RALYL: variants seen among roughly 807,000 people sequenced by gnomAD.
The protein encoded by RALYL is RALY RNA binding protein like, also known as RNA-binding Raly-like protein.
Under a neutral mutation model 35.1 loss-of-function variants are expected in RALYL, and 29 were observed. That is an observed-to-expected ratio of 0.83 (90% CI 0.61 to 1.13). The LOEUF (loss-of-function observed/expected upper bound fraction) is 1.13. RALYL is among the 50% of genes most tolerant of loss of function. The pLI is 0.00. For missense variants in RALYL, 359 were observed against 360.4 expected, an observed-to-expected ratio of 1.00 and a Z score of 0.03; for synonymous variants, 120 against 127.6, an observed-to-expected ratio of 0.94 and a Z score of 0.40.
At chr8:84,320,217 A>G (rs1351075432) in intron 1 of RALYL, among the ~76,000 whole-genome samples, 1 of 151,950 alleles carries the variant, frequency 6.6e-6, no homozygotes, top group East Asian at 1.9e-4. Context: ...AATAACAACC[A>G]TTGTTCTGTG....
chr8:84,212,640 A>G (rs955360959), intron 1 of RALYL, among the ~76,000 whole-genome samples: 28 of 152,196 alleles, frequency 1.8e-4, no homozygotes, highest in African/African-American at 6.3e-4. Flanking sequence ...TAGGTGAAGT[A>G]CAGGCAGTAT....
chr8:84,532,721 ATCTTT>A (rs1158461596), intron 2 of RALYL, among the ~76,000 whole-genome samples: 1 of 152,078 alleles, frequency 6.6e-6, no homozygotes, highest in African/African-American at 2.4e-5. Context: ...AAAAGGAACA[ATCTTT>A]TATTTACTGC....
chr8:84,605,756 G>T (rs537081059), intron 2 of RALYL, among the ~76,000 whole-genome samples: 1 of 151,936 alleles, frequency 6.6e-6, no homozygotes, highest in Non-Finnish European at 1.5e-5. Flanking sequence ...TGGCCCAACC[G>T]GTATGAACTC....
chr8:84,486,678 T>C (rs1192647015), intron 1 of RALYL, among the ~76,000 whole-genome samples: 4 of 152,038 alleles, frequency 2.6e-5, no homozygotes, highest in Non-Finnish European at 5.9e-5. Context: ...AAAATCCCAC[T>C]TCACAATAAA....
intron 8 of RALYL, among the ~76,000 whole-genome samples, chr8:84,902,746 A>G (rs1290146642): frequency 2.0e-5 from 3 of 152,168 alleles, no homozygotes; most frequent in Non-Finnish European, 4.4e-5. Context: ...CAAATCACTG[A>G]GTCTCTGAGG....
intron 1 of RALYL, among the ~76,000 whole-genome samples, chr8:84,503,418 A>G (rs1302549440): frequency 6.6e-6 from 1 of 151,730 alleles, no homozygotes; most frequent in African/African-American, 2.4e-5. Flanking sequence ...TTGGCTTCCC[A>G]AAGCACTGGG....
chr8:84,756,260 A>G (rs1365196530), intron 2 of RALYL, among the ~76,000 whole-genome samples: 1 of 152,138 alleles, frequency 6.6e-6, no homozygotes, highest in Non-Finnish European at 1.5e-5. Flanking sequence ...AAAACAAGAC[A>G]CAAAGTAAAG....
At chr8:84,254,746 G>GGAAAAA (rs1830892340) in intron 1 of RALYL, among the ~76,000 whole-genome samples, 1 of 126,528 alleles carries the variant, frequency 7.9e-6, no homozygotes, top group Non-Finnish European at 1.6e-5. Flanking sequence ...GGTAATTTAT[G>GGAAAAA]AAAAAAAAAA....
chr8:84,682,767 T>G (rs181819872), intron 2 of RALYL, among the ~76,000 whole-genome samples: 2,165 of 152,210 alleles, frequency 0.014, 59 homozygotes, highest in African/African-American at 0.048. Context: ...GTCTATCAAT[T>G]TTGTTGATCT....
At chr8:84,694,860 G>A (rs1838815931) in intron 2 of RALYL, among the ~76,000 whole-genome samples, 1 of 151,762 alleles carries the variant, frequency 6.6e-6, no homozygotes, top group African/African-American at 2.4e-5. Context: ...TATGTGTTTT[G>A]AACATCTACA....
chr8:84,377,451 GTT>G (rs369746268), intron 1 of RALYL, among the ~76,000 whole-genome samples: 15 of 83,720 alleles, frequency 1.8e-4, no homozygotes, highest in African/African-American at 5.4e-4. Flanking sequence ...AAGGTTAACT[GTT>G]TTTTTTTTTT....
intron 2 of RALYL, among the ~76,000 whole-genome samples, chr8:84,718,626 G>A (rs11985059): frequency 0.027 from 4,107 of 151,962 alleles, 83 homozygotes; most frequent in Middle Eastern, 0.058. Flanking sequence ...TTAGCTGGGC[G>A]TGGTGGTGCA....
At chr8:84,871,588 G>T (rs1840198712) in intron 6 of RALYL, among the ~76,000 whole-genome samples, 1 of 152,128 alleles carries the variant, frequency 6.6e-6, no homozygotes, top group African/African-American at 2.4e-5. Context: ...TTCAAATTTA[G>T]CTGCAATTCC....
chr8:84,809,576 G>A (rs1405817925), intron 4 of RALYL, among the ~76,000 whole-genome samples: 1 of 152,018 alleles, frequency 6.6e-6, no homozygotes, highest in African/African-American at 2.4e-5. Flanking sequence ...TTCTTTGAAT[G>A]TCTGGTAGAA....
intron 2 of RALYL, among the ~76,000 whole-genome samples, chr8:84,646,044 C>A (rs891321651): frequency 7.9e-5 from 12 of 151,862 alleles, no homozygotes; most frequent in Non-Finnish European, 1.6e-4. Context: ...GTTTCCTTGA[C>A]CTATAGTTTT....
Position 84,542,956 on chromosome 8 carries a change from C to T in RALYL, c.256+13379C>T, listed in dbSNP as rs192496993. 8.5e-5 allele frequency among the ~76,000 whole-genome samples: 13 copies of T among 152,236 alleles called. No homozygotes were observed. The East Asian group carries it at 1.7e-3, about 20-fold the overall frequency. ...AAAGCTCTCCTAATATATCCCACAT[C>T]CCCTTGTATTTTATGTTGAAATACA... On this transcript the variant is annotated intron_variant, in intron 2 of 8. Transcript: ENST00000521268.
Position 84,473,647 on chromosome 8 carries a change from C to T in RALYL, c.-23-55652C>T, listed in dbSNP as rs201196679. The stretch of plus-strand genomic sequence containing the variant: ...AATATACAGCATTGTATGTATGGAA[C>T]ATTTTTGGGTATGTTCATTTTGTGT... On this transcript the variant is annotated intron_variant, in intron 1 of 8. Coordinates refer to ENST00000521268, the MANE Select transcript of RALYL (RefSeq NM_173848.7). Among the ~76,000 whole-genome samples the T allele has an allele frequency of 5.3e-5, 8 of 151,748 alleles. No homozygotes were observed. The East Asian group carries it at 1.5e-3, about 29-fold the overall frequency.
intron 1 of RALYL, among the ~76,000 whole-genome samples, chr8:84,230,321 C>G (rs537696347): frequency 5.9e-5 from 9 of 151,860 alleles, no homozygotes; most frequent in African/African-American, 2.2e-4. Context: ...GAGTTGCAAC[C>G]AACCCTAAAA....
intron 4 of RALYL, among the ~76,000 whole-genome samples, chr8:84,843,956 C>T (rs1834012042): frequency 1.3e-5 from 2 of 152,136 alleles, no homozygotes; most frequent in African/African-American, 2.4e-5. Context: ...ACACCTTATA[C>T]AAAAATTAAT....
Sources: allele counts gnomAD v4.1 joint callset (sites outside exome capture counted in the v4.1 genomes callset), GRCh38; gene constraint gnomAD v4.1.1; transcripts MANE v1.5; gene names NCBI Gene and HGNC (gene_info 2026-07-23, HGNC 2026-07-21).